The following FAIM2 variants were observed in gnomAD, a reference collection of about 807,000 sequenced individuals.
FAIM2 encodes Fas apoptotic inhibitory molecule 2.
A neutral mutation model predicts 47.4 loss-of-function variants in FAIM2; 27 were observed. The observed-to-expected ratio is 0.57, with a 90% CI of 0.42 to 0.78. The LOEUF is 0.78. FAIM2 is among the 30% of genes least tolerant of loss of function. The pLI is 0.00. For missense variants in FAIM2, 311 were observed against 389.4 expected, an observed-to-expected ratio of 0.80 and a Z score of 1.69; for synonymous variants, 156 against 159.3, an observed-to-expected ratio of 0.98 and a Z score of 0.16.
intron 5 of FAIM2, among the ~76,000 whole-genome samples, chr12:49,893,005 C>T (rs1946910944): frequency 6.6e-6 from 1 of 152,192 alleles, no homozygotes; most frequent in South Asian, 2.1e-4. Context: ...TGTTGATCTT[C>T]CTACCCAGGC....
At chr12:49,896,965 C>T (rs1172373291) in intron 5 of FAIM2, 66 bp downstream of exon 5, 1 of 1,318,264 alleles carries the variant, frequency 7.6e-7, no homozygotes, top group Non-Finnish European at 1.1e-6. Context: ...AAGAAAGACA[C>T]AGAGATTCCC....
chr12:49,874,308 C>T lies in FAIM2; in HGVS notation c.802-3655G>A, dbSNP rs1946721499. Among the ~76,000 whole-genome samples the T allele has an allele frequency of 6.6e-6, 1 of 152,102 alleles. No individual in the cohort carries two copies. The highest frequency in any genetic ancestry group is 2.1e-4 in the South Asian group (1 of 4,820). ...ATCTCATCTCCCTCTCCCCATTTGC[C>T]CTGGGAGGTGGGCGTCCTCATGGTC... On this transcript the variant is annotated intron_variant, in intron 11 of 11. Coordinates refer to ENST00000320634, the MANE Select transcript of FAIM2 (RefSeq NM_012306.4). The surrounding 1 kb of genome is among the most constrained non-coding windows in gnomAD (Gnocchi z 4.2).
Position 49,867,275 on chromosome 12 carries a change from G to A in FAIM2, c.*3229C>T, listed in dbSNP as rs549470783. ...GTGACTCTCCCAAACCAGGCCCTGC[G>A]TTTCCTCAAGCAGCCACTGGAGGGC... On this transcript the variant is annotated 3_prime_UTR_variant, in exon 12 of 12. Transcript: ENST00000320634. The A allele has an allele frequency of 3.3e-5, 5 of 152,398 alleles. 1 individual carries two copies. The highest frequency in any genetic ancestry group is 2.0e-4 in the Admixed American group (3 of 15,302). The allele number at this position is 152,398 out of a possible 1,614,324, so 9.4% of individuals were successfully genotyped here.
intron 5 of FAIM2, among the ~76,000 whole-genome samples, chr12:49,896,157 A>C (rs902413590): frequency 2.6e-5 from 4 of 151,996 alleles, no homozygotes; most frequent in African/African-American, 9.7e-5. Flanking sequence ...CCACCCAATA[A>C]CTTTCCCTGC....
rs117809366 is a variant in FAIM2, at chr12:49,880,609, T to C, written c.801+6777A>G. On this transcript the variant is annotated intron_variant, in intron 11 of 11. Transcript: ENST00000320634. The stretch of plus-strand genomic sequence containing the variant: ...ATATGTGCATGTGTATGTGTGTGCA[T>C]GTGAGTGTATGTGCATGTGTGTATA... 1.2e-3 allele frequency among the ~76,000 whole-genome samples: 132 copies of C among 114,028 alleles called. No individual in the cohort carries two copies. The East Asian group carries it at 0.028, about 24-fold the overall frequency. The allele number at this position is 114,028 out of a possible 152,430, so 74.8% of individuals were successfully genotyped here.
intron 11 of FAIM2, among the ~76,000 whole-genome samples, chr12:49,879,073 CAT>C (rs1825405869): frequency 8.2e-6 from 1 of 121,324 alleles, no homozygotes; most frequent in East Asian, 2.9e-4. Context: ...TGTATATGTG[CAT>C]GTGTATGTGT....
In FAIM2 at chr12:49,880,881, A is replaced by AGTGTGTGTGTGT. The variant is rs56101227; in HGVS notation, c.801+6493_801+6504dup. On this transcript the variant is annotated intron_variant, in intron 11 of 11. Coordinates refer to ENST00000320634, the MANE Select transcript of FAIM2 (RefSeq NM_012306.4). ...GCATGTGTGTATATGCGTGAATGTG[A>AGTGTGTGTGTGT]GTGTGTGTGTGTGTGTGTGTCTCTC... is the stretch of plus-strand genomic sequence containing the variant. 2.1e-3 allele frequency among the ~76,000 whole-genome samples: 311 copies of AGTGTGTGTGTGT among 150,960 alleles called. 1 individual carries two copies. The highest frequency in any genetic ancestry group is 7.4e-3 in the African/African-American group (303 of 41,118).
intron 2 of FAIM2, 84 bp downstream of exon 2, chr12:49,901,045 TG>T: frequency 9.1e-7 from 1 of 1,101,912 alleles, no homozygotes; most frequent in Non-Finnish European, 1.3e-6. Context: ...TACCTCTTTC[TG>T]GACAACTTCC....
At position 49,870,454 on chromosome 12, in the gene FAIM2, G is replaced by A; in HGVS notation, c.*50C>T. On this transcript the variant is annotated 3_prime_UTR_variant, in exon 12 of 12. Coordinates refer to ENST00000320634, the MANE Select transcript of FAIM2 (RefSeq NM_012306.4). ...CGCAGGAGCGCAGGGGAGGGACAGGGAACCAGGAGGGGCGCATTCTCTGGA... is the reference window on the plus strand; with the variant it reads ...CGCAGGAGCGCAGGGGAGGGACAGGAAACCAGGAGGGGCGCATTCTCTGGA... 1 of 1,568,772 alleles carries A rather than the reference G, an allele frequency of 6.4e-7. No homozygotes were observed. Among genetic ancestry groups the A allele is most frequent in the Non-Finnish European group, 8.7e-7 (1 of 1,144,230 alleles).
rs201471992 is a variant in FAIM2 at position 49,898,067 on chromosome 12, C to T, written c.235G>A (p.Gly79Ser). 4.6e-5 allele frequency: 74 copies of T among 1,613,902 alleles called. No individual in the cohort carries two copies. Among genetic ancestry groups the T allele is most frequent in the East Asian group, 4.5e-4 (20 of 44,876 alleles). Residue 79 changes from glycine to serine, a missense_variant, in exon 3 of 12, where the codon GGT becomes AGT. Transcript: ENST00000320634. ...DPSSSSSYDNGFPTGDHELFT... is the reference protein window; with the variant it reads ...DPSSSSSYDNSFPTGDHELFT... ...AGCTCATGGTCTCCGGTGGGGAAAC[C>T]GTTGTCATAGCTGGAGCTGCTGCCT...
At chr12:49,890,029 T>G in intron 8 of FAIM2, 88 bp downstream of exon 8, 4 of 1,317,920 alleles carry the variant, frequency 3.0e-6, no homozygotes, top group Non-Finnish European at 3.3e-6. Context: ...TGCTCCCATG[T>G]GTGTGGGGCA....
intron 11 of FAIM2, among the ~76,000 whole-genome samples, chr12:49,884,776 C>T (rs1946849498): frequency 6.6e-6 from 1 of 152,186 alleles, no homozygotes; most frequent in African/African-American, 2.4e-5. Flanking sequence ...AGATCGAGAC[C>T]ATCCTGGCTA....
intron 11 of FAIM2, among the ~76,000 whole-genome samples, chr12:49,883,012 T>C (rs1369235676): frequency 6.6e-6 from 1 of 151,804 alleles, no homozygotes; most frequent in Non-Finnish European, 1.5e-5. Context: ...TGCACACACT[T>C]GAAGGATGGG....
intron 11 of FAIM2, among the ~76,000 whole-genome samples, chr12:49,880,156 GTGCATGTGTGTATGTGTGTGTA>G (rs1946799914): frequency 6.7e-6 from 1 of 149,332 alleles, no homozygotes; most frequent in African/African-American, 2.5e-5. Flanking sequence ...GTGTATGTGT[GTGCATGTGTGTATGTGTGTGTA>G]TGCATGTGTG....
chr12:49,893,781 G>A (rs1351884885), intron 5 of FAIM2, among the ~76,000 whole-genome samples: 9 of 152,208 alleles, frequency 5.9e-5, no homozygotes, highest in Non-Finnish European at 8.8e-5. Context: ...CTCCGTGAGG[G>A]ACAGCAGAGC....
Position 49,886,476 on chromosome 12 carries a change from A to T in FAIM2, c.801+910T>A, listed in dbSNP as rs553508482. Among the ~76,000 whole-genome samples, 117 of 151,870 alleles carry T rather than the reference A, an allele frequency of 7.7e-4. No individual in the cohort carries two copies. In the Middle Eastern group the frequency reaches 0.01, roughly 13 times the overall value. ...TCAGTTTCCCCATCTTAATTTATTTATTATTATTATTATTTTTGAGACGGA... is the reference window on the plus strand; with the variant it reads ...TCAGTTTCCCCATCTTAATTTATTTTTTATTATTATTATTTTTGAGACGGA... On this transcript the variant is annotated intron_variant, in intron 11 of 11. Transcript: ENST00000320634.
chr12:49,887,429 A>G lies in FAIM2; in HGVS notation c.758T>C (p.Leu253Pro). 1.2e-6 allele frequency: 2 copies of G among 1,611,726 alleles called. No individual in the cohort carries two copies. Among genetic ancestry groups the G allele is most frequent in the Non-Finnish European group, 1.7e-6 (2 of 1,178,874 alleles). The part of the protein sequence containing the change: ...ILLPFQYVPW[L>P]HAVYAALGAG... ...TCCCAGTGCTGCATAAACTGCATGG[A>G]GCCAGGGCACCTGCGGCAGAGGAAA... Residue 253 changes from leucine to proline, a missense_variant, in exon 11 of 12, where the codon CTC becomes CCC. Leu to Pro is a moderately conservative substitution (Grantham distance 98). Coordinates refer to ENST00000320634, the MANE Select transcript of FAIM2 (RefSeq NM_012306.4).
chr12:49,898,821 C>A (rs1429185636), intron 2 of FAIM2, among the ~76,000 whole-genome samples: 2 of 152,192 alleles, frequency 1.3e-5, no homozygotes, highest in African/African-American at 4.8e-5. Context: ...AGCCACTGTG[C>A]CCAGCTCTGA....
intron 3 of FAIM2, among the ~76,000 whole-genome samples, 187 bp from the exon 4 acceptor site, chr12:49,897,770 C>T (rs1565620076): frequency 6.6e-6 from 1 of 151,760 alleles, no homozygotes. Flanking sequence ...GCGCACCCCC[C>T]CCCAGCATTG....
Sources: allele counts gnomAD v4.1 joint callset (sites outside exome capture counted in the v4.1 genomes callset), GRCh38; gene constraint gnomAD v4.1.1; non-coding constraint Gnocchi (gnomAD v3.1); transcripts MANE v1.5; gene names NCBI Gene and HGNC (gene_info 2026-07-23, HGNC 2026-07-21).